Variants in MARCHF7 observed in about 807,000 individuals in gnomAD.
MARCHF7 encodes E3 ubiquitin-protein ligase MARCHF7.
Under a neutral mutation model 76.5 loss-of-function variants are expected in MARCHF7, and 20 were observed. The ratio of observed to expected loss-of-function variants is 0.26; its 90% CI spans 0.18 to 0.38. MARCHF7 has a LOEUF of 0.38. Among genes scored for constraint, MARCHF7 ranks in the 10% least tolerant of loss-of-function variants. MARCHF7 has a pLI of 1.00. For synonymous variants in MARCHF7, 295 were observed against 293.0 expected (o/e 1.01, Z -0.07); for missense variants, 797 against 812.9 (o/e 0.98, Z 0.24).
chr2:159,743,872 C>T (rs993257471), intron 5 of MARCHF7, among the ~76,000 whole-genome samples: 15 of 150,874 alleles, frequency 9.9e-5, no homozygotes, highest in Non-Finnish European at 1.8e-4. Flanking sequence ...CATGCCAATG[C>T]ACTGTAGCCT....
chr2:159,759,198 G>A, intron 8 of MARCHF7, 28 bp from the exon 9 acceptor site: 2 of 1,260,444 alleles, frequency 1.6e-6, no homozygotes, highest in Middle Eastern at 2.0e-4. Flanking sequence ...ATAAAACTAA[G>A]CTTTATTTGT....
At chr2:159,734,039 T>G (rs1703147874) in intron 4 of MARCHF7, 1 of 1,357,428 alleles carries the variant, frequency 7.4e-7, no homozygotes, top group Non-Finnish European at 9.7e-7. Flanking sequence ...TTTATCACAA[T>G]TTGAATGATT....
intron 9 of MARCHF7, among the ~76,000 whole-genome samples, chr2:159,759,924 C>T (rs1012692597): frequency 2.6e-5 from 4 of 151,278 alleles, no homozygotes; most frequent in Non-Finnish European, 5.9e-5. Flanking sequence ...TAGCAAGACC[C>T]GGTCTCTACA....
In MARCHF7 at chr2:159,715,669, C is replaced by T. The variant is rs1700952240; in HGVS notation, c.-100-12C>T. The T allele has an allele frequency of 6.6e-6, 1 of 152,110 alleles. No homozygotes were observed. The highest frequency in any genetic ancestry group is 1.5e-5 in the Non-Finnish European group (1 of 68,042). The allele number at this position is 152,110 out of a possible 1,614,324, so 9.4% of individuals were successfully genotyped here. On this transcript the variant is annotated splice_polypyrimidine_tract_variant and intron_variant, in intron 2 of 11. Transcript: ENST00000409175. ...ATGCTGGGGTTTAATTTTCATTAATCTTAATTTTCAGCTTTCTGCCCTGGC... is the reference window on the plus strand; with the variant it reads ...ATGCTGGGGTTTAATTTTCATTAATTTTAATTTTCAGCTTTCTGCCCTGGC...
At chr2:159,722,952 T>C (rs1047103961) in intron 3 of MARCHF7, among the ~76,000 whole-genome samples, 1 of 152,232 alleles carries the variant, frequency 6.6e-6, no homozygotes, top group Admixed American at 6.5e-5. Flanking sequence ...GGTGTAAATG[T>C]AGTCAGAGTA....
At chr2:159,718,375 A>T (rs1200818705) in intron 3 of MARCHF7, among the ~76,000 whole-genome samples, 3 of 152,164 alleles carry the variant, frequency 2.0e-5, no homozygotes, top group Non-Finnish European at 4.4e-5. Flanking sequence ...TAATACATTA[A>T]CATACAGGAA....
chr2:159,758,269 A>G (rs1174563657), intron 8 of MARCHF7, among the ~76,000 whole-genome samples: 1 of 152,216 alleles, frequency 6.6e-6, no homozygotes, highest in East Asian at 1.9e-4. Context: ...GGAACCAAAA[A>G]GCTTAGGAAT....
At chr2:159,715,481 G>A (rs1451159692) in intron 2 of MARCHF7, among the ~76,000 whole-genome samples, 200 bp from the exon 3 acceptor site, 1 of 151,894 alleles carries the variant, frequency 6.6e-6, no homozygotes, top group African/African-American at 2.4e-5. Context: ...TGGGTAGCTG[G>A]GACTACAGGT....
chr2:159,738,753 T>A (rs766485153), intron 4 of MARCHF7, among the ~76,000 whole-genome samples: 43 of 152,130 alleles, frequency 2.8e-4, no homozygotes, highest in Non-Finnish European at 5.4e-4. Context: ...GCACCATAAG[T>A]TCTCACTCCG....
intron 9 of MARCHF7, among the ~76,000 whole-genome samples, chr2:159,759,564 C>A (rs1209898734): frequency 6.6e-6 from 1 of 151,688 alleles, no homozygotes; most frequent in Non-Finnish European, 1.5e-5. Context: ...GGGATGCCAA[C>A]CTTATTTCCC....
At chr2:159,725,775 G>T (rs1480910831) in intron 3 of MARCHF7, among the ~76,000 whole-genome samples, 3 of 152,188 alleles carry the variant, frequency 2.0e-5, no homozygotes, top group Non-Finnish European at 2.9e-5. Flanking sequence ...GGTAGTCCTT[G>T]ATGTTTGTCA....
rs34531157 is a variant in MARCHF7 at position 159,743,737 on chromosome 2, CAAAA to C, written c.346+494_346+497del. Among the ~76,000 whole-genome samples, 14 of 128,494 alleles carry C rather than the reference CAAAA, an allele frequency of 1.1e-4. 1 individual carries two copies. Among genetic ancestry groups the C allele is most frequent in the Admixed American group, 8.0e-4 (11 of 13,736 alleles). The allele number at this position is 128,494 out of a possible 152,430, so 84.3% of individuals were successfully genotyped here. On this transcript the variant is annotated intron_variant, in intron 5 of 11. Coordinates refer to ENST00000409175, the MANE Select transcript of MARCHF7 (RefSeq NM_001282805.2). Reference sequence around the variant, plus strand: ...CAACATAGTGAGACCCTGTTTCTACCAAAAAAAAAAAAAGAGAGAATTAGCTGGG... The same window carrying C: ...CAACATAGTGAGACCCTGTTTCTACCAAAAAAAAAGAGAGAATTAGCTGGG...
intron 3 of MARCHF7, among the ~76,000 whole-genome samples, chr2:159,717,240 C>T (rs993881327): frequency 4.6e-5 from 7 of 152,150 alleles, no homozygotes; most frequent in Non-Finnish European, 8.8e-5. Context: ...AAGACTGCCT[C>T]ATCCTAGGCA....
rs1432639373 is a variant in MARCHF7 at position 159,768,635 on chromosome 2, C to G, written c.*1293C>G. 6.6e-6 allele frequency: 1 copy of G among 152,504 alleles called. No homozygotes were observed. The highest frequency in any genetic ancestry group is 1.5e-5 in the Non-Finnish European group (1 of 67,982). 9.4% of individuals were successfully genotyped at this position (152,504 alleles called of 1,614,324 possible). On this transcript the variant is annotated 3_prime_UTR_variant, in exon 12 of 12. Coordinates refer to ENST00000409175, the MANE Select transcript of MARCHF7 (RefSeq NM_001282805.2). ...TCAAAGAAGACATCAGACTTCATAA[C>G]CAAGAATTTTATTACAATTTCAAAT... is the stretch of plus-strand genomic sequence containing the variant.
Position 159,728,992 on chromosome 2 carries a change from A to C in MARCHF7, c.-14-17A>C. On this transcript the variant is annotated splice_polypyrimidine_tract_variant and intron_variant, in intron 3 of 11. Coordinates refer to ENST00000409175, the MANE Select transcript of MARCHF7 (RefSeq NM_001282805.2). ...ATATTTTCCCAAAGGCAATTAATGAAAATTTTTATTTCACAGAAAAATCTT... is the reference window on the plus strand; with the variant it reads ...ATATTTTCCCAAAGGCAATTAATGACAATTTTTATTTCACAGAAAAATCTT... 6.6e-7 allele frequency: 1 copy of C among 1,506,342 alleles called. No homozygotes were observed. Among genetic ancestry groups the C allele is most frequent in the Non-Finnish European group, 8.9e-7 (1 of 1,125,110 alleles). The allele number at this position is 1,506,342 out of a possible 1,614,324, so 93.3% of individuals were successfully genotyped here.
chr2:159,766,547 A>T (rs1333562674), intron 11 of MARCHF7, among the ~76,000 whole-genome samples: 1 of 152,142 alleles, frequency 6.6e-6, no homozygotes, highest in Non-Finnish European at 1.5e-5. Context: ...AGTTCATAGA[A>T]TTCATAGTTT....
At chr2:159,753,952 G>A (rs893175075) in intron 8 of MARCHF7, among the ~76,000 whole-genome samples, 1 of 152,184 alleles carries the variant, frequency 6.6e-6, no homozygotes, top group South Asian at 2.1e-4. Flanking sequence ...TTAAGTGAAT[G>A]GCAGTTCCTT....
intron 4 of MARCHF7, chr2:159,732,824 G>T: frequency 1.0e-6 from 1 of 984,296 alleles, no homozygotes; most frequent in African/African-American, 1.7e-5. Context: ...CTGCCATCAT[G>T]CCTGGCCTGT....
At chr2:159,756,970 G>A (rs1343424060) in intron 8 of MARCHF7, among the ~76,000 whole-genome samples, 1 of 152,128 alleles carries the variant, frequency 6.6e-6, no homozygotes, top group East Asian at 1.9e-4. Context: ...TCAGCTTACT[G>A]CAACCTCTGC....
Sources: allele counts gnomAD v4.1 joint callset (sites outside exome capture counted in the v4.1 genomes callset), GRCh38; gene constraint gnomAD v4.1.1; transcripts MANE v1.5; gene names NCBI Gene and HGNC (gene_info 2026-07-23, HGNC 2026-07-21).